Variants in S100A7A observed in about 807,000 individuals in gnomAD.
S100A7A encodes the protein S100 calcium binding protein A7A, also known as protein S100-A7A.
Under a neutral mutation model 4.0 loss-of-function variants are expected in S100A7A, and 5 were observed. The ratio of observed to expected loss-of-function variants is 1.26; its 90% CI spans 0.66 to 2.66. S100A7A has a LOEUF of 2.66. Among genes scored for constraint, S100A7A ranks in the 30% most tolerant of loss-of-function variants. The pLI is 0.01. For synonymous variants in S100A7A, 52 were observed against 46.4 expected, an observed-to-expected ratio of 1.12 and a Z score of -0.49; for missense variants, 159 against 125.1, an observed-to-expected ratio of 1.27 and a Z score of -1.29.
rs1235509446 is a variant in S100A7A, at chr1:153,419,235, T to C, written c.232T>C (p.Leu78=). ...KKIDFSEFLS[L]LGDIAADYHK... ...GATTGATTTTTCTGAGTTTCTGTCC[T>C]TGCTGGGAGACATAGCCGCAGACTA... The change falls in exon 3 of 3, where the codon TTG becomes CTG. Residue 78 remains leucine (L), a synonymous_variant. Coordinates refer to ENST00000368729, the MANE Select transcript of S100A7A (RefSeq NM_176823.4). 1.2e-6 allele frequency: 2 copies of C among 1,614,234 alleles called. No homozygotes were observed. Among genetic ancestry groups the C allele is most frequent in the Non-Finnish European group, 1.7e-6 (2 of 1,180,042 alleles).
chr1:153,421,326 C>A lies in S100A7A; in HGVS notation c.*2017C>A, dbSNP rs1382082368. 1 of 152,156 alleles carries A rather than the reference C, an allele frequency of 6.6e-6. No homozygotes were observed. Among genetic ancestry groups the A allele is most frequent in the African/African-American group, 2.4e-5 (1 of 41,422 alleles). 9.4% of individuals were successfully genotyped at this position (152,156 alleles called of 1,614,324 possible). A position where few individuals can be genotyped will look rare whatever the true frequency, so the allele number is the denominator to read the frequency against. On this transcript the variant is annotated 3_prime_UTR_variant, in exon 3 of 3. Transcript: ENST00000368729. Reference sequence around the variant, plus strand: ...CATTTGTGCCTCCCTCACCATGACCCCACTCTTACCATAGTGGCTACATTA... The same window carrying A: ...CATTTGTGCCTCCCTCACCATGACCACACTCTTACCATAGTGGCTACATTA...
At chr1:153,417,987 T>C in intron 1 of S100A7A, 79 bp from the exon 2 acceptor site, 2 of 1,554,548 alleles carry the variant, frequency 1.3e-6, no homozygotes, top group Non-Finnish European at 1.8e-6. Flanking sequence ...TACTCTGTCC[T>C]CAGCCCTCCT....
In S100A7A at chr1:153,419,158, T is replaced by C. The variant is rs775484804; in HGVS notation, c.155T>C (p.Ile52Thr). ...NFLSACDKKG[I>T]HYLATVFEKK... ...TTCTCTTCACAGGACAAAAAGGGCA[T>C]ACATTACCTCGCCACTGTCTTTGAG... The change falls in exon 3 of 3, where the codon ATA (isoleucine) becomes ACA (threonine). Residue 52 changes from isoleucine (I) to threonine (T), a missense_variant. By Grantham distance (89) the Ile-to-Thr change is moderately conservative (BLOSUM62 -1). Transcript: ENST00000368729. 1.4e-4 allele frequency: 226 copies of C among 1,613,992 alleles called. No individual in the cohort carries two copies. Among genetic ancestry groups the C allele is most frequent in the Non-Finnish European group, 1.7e-4 (195 of 1,179,950 alleles).
chr1:153,417,712 C>T (rs763876803), intron 1 of S100A7A, among the ~76,000 whole-genome samples: 4 of 152,190 alleles, frequency 2.6e-5, no homozygotes, highest in Admixed American at 6.5e-5. Flanking sequence ...GGTGCTGTTT[C>T]AAGAGTGGGG....
rs891081896 is a variant in S100A7A, at chr1:153,422,905, T to C, written c.*3596T>C. On this transcript the variant is annotated 3_prime_UTR_variant, in exon 3 of 3. Transcript: ENST00000368729. ...GATTGTTTCTGGTTCCCTGCCACTA[T>C]AAAAACACCATGAGAGCATACTCAT... is the stretch of plus-strand genomic sequence containing the variant. 6.6e-6 allele frequency: 1 copy of C among 152,224 alleles called. No homozygotes were observed. The highest frequency in any genetic ancestry group is 1.5e-5 in the Non-Finnish European group (1 of 68,034). 9.4% of individuals were successfully genotyped at this position (152,224 alleles called of 1,614,324 possible).
chr1:153,419,144 G>A lies in S100A7A; in HGVS notation c.142-1G>A, dbSNP rs1353443964. ...TATTTTGTATGTTTTTCTCTTCACA[G>A]GACAAAAAGGGCATACATTACCTCG... On this transcript the variant is annotated splice_acceptor_variant, in intron 2 of 2. Coordinates refer to ENST00000368729, the MANE Select transcript of S100A7A (RefSeq NM_176823.4). LOFTEE classifies it high-confidence loss of function. The A allele has an allele frequency of 1.9e-6, 3 of 1,613,202 alleles. No individual in the cohort carries two copies. The highest frequency in any genetic ancestry group is 2.5e-6 in the Non-Finnish European group (3 of 1,179,726).
At chr1:153,419,067 T>A in intron 2 of S100A7A, 78 bp from the exon 3 acceptor site, 1 of 1,483,472 alleles carries the variant, frequency 6.7e-7, no homozygotes, top group Admixed American at 1.7e-5. Context: ...TCTGTATCTC[T>A]GCCTCCTCCT....
rs779132031 is a variant in S100A7A at position 153,419,154 on chromosome 1, G to T, written c.151G>T (p.Gly51Cys). 1.2e-6 allele frequency: 2 copies of T among 1,613,746 alleles called. No homozygotes were observed. Among genetic ancestry groups the T allele is most frequent in the Non-Finnish European group, 8.5e-7 (1 of 1,179,940 alleles). Residue 51 changes from glycine to cysteine, a missense_variant, in exon 3 of 3, where the codon GGC becomes TGC. Physicochemically the swap from Gly to Cys is radical, Grantham distance 159 (BLOSUM62 -3). Coordinates refer to ENST00000368729, the MANE Select transcript of S100A7A (RefSeq NM_176823.4). ...GTTTTTCTCTTCACAGGACAAAAAG[G>T]GCATACATTACCTCGCCACTGTCTT... ...PNFLSACDKK[G>C]IHYLATVFEK...
intron 1 of S100A7A, among the ~76,000 whole-genome samples, chr1:153,417,667 C>G (rs951188491): frequency 1.2e-4 from 18 of 152,220 alleles, no homozygotes; most frequent in South Asian, 2.1e-4. Flanking sequence ...CCCCGTGACT[C>G]TCACCCCGAC....
chr1:153,422,223 A>G lies in S100A7A; in HGVS notation c.*2914A>G, dbSNP rs1326063352. The G allele has an allele frequency of 6.6e-6, 1 of 152,336 alleles. No individual in the cohort carries two copies. The highest frequency in any genetic ancestry group is 1.5e-5 in the Non-Finnish European group (1 of 68,124). 9.4% of individuals were successfully genotyped at this position (152,336 alleles called of 1,614,324 possible). ...GAGAGGGGACCAGACCATCTCCGCA[A>G]CCACAGCCCAGAGCTCCAGTCACCA... On this transcript the variant is annotated 3_prime_UTR_variant, in exon 3 of 3. Transcript: ENST00000368729.
rs1240870549 is a variant in S100A7A, at chr1:153,421,044, G to A, written c.*1735G>A. On this transcript the variant is annotated 3_prime_UTR_variant, in exon 3 of 3. Coordinates refer to ENST00000368729, the MANE Select transcript of S100A7A (RefSeq NM_176823.4). Reference sequence around the variant, plus strand: ...TGTGGGTGCCTGACTTCCTCTCTGTGCAGCACTCTCTGAATCCCTCCTATT... The same window carrying A: ...TGTGGGTGCCTGACTTCCTCTCTGTACAGCACTCTCTGAATCCCTCCTATT... 1.3e-5 allele frequency: 2 copies of A among 152,140 alleles called. No homozygotes were observed. The highest frequency in any genetic ancestry group is 4.8e-5 in the African/African-American group (2 of 41,378). 9.4% of individuals were successfully genotyped at this position (152,140 alleles called of 1,614,324 possible).
rs1161261166 is a variant in S100A7A, at chr1:153,423,137, G to C, written c.*3828G>C. 6.6e-6 allele frequency: 1 copy of C among 151,806 alleles called. No homozygotes were observed. The highest frequency in any genetic ancestry group is 1.9e-4 in the East Asian group (1 of 5,190). The allele number at this position is 151,806 out of a possible 1,614,324, so 9.4% of individuals were successfully genotyped here. ...TCCTTTCTTTGGCCTTAATATTATTGGATTAAAGAATTACTGCCTCTCACT... is the reference window on the plus strand; with the variant it reads ...TCCTTTCTTTGGCCTTAATATTATTCGATTAAAGAATTACTGCCTCTCACT... On this transcript the variant is annotated 3_prime_UTR_variant, in exon 3 of 3. Transcript: ENST00000368729.
In S100A7A at chr1:153,423,196, T is replaced by C. The variant is rs1557859696; in HGVS notation, c.*3887T>C. On this transcript the variant is annotated 3_prime_UTR_variant, in exon 3 of 3. Transcript: ENST00000368729. ...CATTTATTTACCATTATTTTCAATTTCATATTAAAACTCAATTTCTAGTAG... is the reference window on the plus strand; with the variant it reads ...CATTTATTTACCATTATTTTCAATTCCATATTAAAACTCAATTTCTAGTAG... 2 of 152,206 alleles carry C rather than the reference T, an allele frequency of 1.3e-5. No homozygotes were observed. The highest frequency in any genetic ancestry group is 2.9e-5 in the Non-Finnish European group (2 of 68,038). 9.4% of individuals were successfully genotyped at this position (152,206 alleles called of 1,614,324 possible). A position where few individuals can be genotyped will look rare whatever the true frequency, so the allele number is the denominator to read the frequency against.
At chr1:153,418,810 A>G (rs1266129498) in intron 2 of S100A7A, among the ~76,000 whole-genome samples, 1 of 152,200 alleles carries the variant, frequency 6.6e-6, no homozygotes, top group Non-Finnish European at 1.5e-5. Context: ...GCCCTGGGGT[A>G]GAACTAAGGT....
chr1:153,421,836 T>C lies in S100A7A; in HGVS notation c.*2527T>C, dbSNP rs892725594. On this transcript the variant is annotated 3_prime_UTR_variant, in exon 3 of 3. Coordinates refer to ENST00000368729, the MANE Select transcript of S100A7A (RefSeq NM_176823.4). ...TTTCACCTGATAATATTCCGTCCAATTGGCAATGGCACATAAAAATTAGGA... is the reference window on the plus strand; with the variant it reads ...TTTCACCTGATAATATTCCGTCCAACTGGCAATGGCACATAAAAATTAGGA... 2 of 152,202 alleles carry C rather than the reference T, an allele frequency of 1.3e-5. No homozygotes were observed. Among genetic ancestry groups the C allele is most frequent in the African/African-American group, 2.4e-5 (1 of 41,438 alleles). The allele number at this position is 152,202 out of a possible 1,614,324, so 9.4% of individuals were successfully genotyped here.
rs1662893537 is a variant in S100A7A, at chr1:153,421,338, T to C, written c.*2029T>C. ...CCTCACCATGACCCCACTCTTACCA[T>C]AGTGGCTACATTACTTCAGATTCCC... is the stretch of plus-strand genomic sequence containing the variant. On this transcript the variant is annotated 3_prime_UTR_variant, in exon 3 of 3. Coordinates refer to ENST00000368729, the MANE Select transcript of S100A7A (RefSeq NM_176823.4). 6.6e-6 allele frequency: 1 copy of C among 152,144 alleles called. No homozygotes were observed. The highest frequency in any genetic ancestry group is 2.4e-5 in the African/African-American group (1 of 41,432). 9.4% of individuals were successfully genotyped at this position (152,144 alleles called of 1,614,324 possible).
In S100A7A at chr1:153,419,982, T is replaced by C. The variant is rs1662854366; in HGVS notation, c.*673T>C. The C allele has an allele frequency of 6.6e-6, 1 of 152,628 alleles. No homozygotes were observed. The highest frequency in any genetic ancestry group is 1.5e-5 in the Non-Finnish European group (1 of 68,248). 9.5% of individuals were successfully genotyped at this position (152,628 alleles called of 1,614,324 possible). A position where few individuals can be genotyped will look rare whatever the true frequency, so the allele number is the denominator to read the frequency against. On this transcript the variant is annotated 3_prime_UTR_variant, in exon 3 of 3. Transcript: ENST00000368729. The stretch of plus-strand genomic sequence containing the variant: ...AAGTGAGAAGGAGTCACTGTGATGC[T>C]TAGCTGTCCTAAATGATGGTTTGCT...
chr1:153,418,593 G>C (rs1488812697), intron 2 of S100A7A, among the ~76,000 whole-genome samples: 2 of 152,144 alleles, frequency 1.3e-5, no homozygotes, highest in Non-Finnish European at 2.9e-5. Flanking sequence ...GAAAGCACTA[G>C]AAGTTCCATT....
chr1:153,419,107 A>G, intron 2 of S100A7A, 38 bp from the exon 3 acceptor site: 6 of 1,605,676 alleles, frequency 3.7e-6, no homozygotes, highest in Non-Finnish European at 5.1e-6. Flanking sequence ...CTTGTTTGTG[A>G]TTGAATTTTT....
Sources: allele counts gnomAD v4.1 joint callset (sites outside exome capture counted in the v4.1 genomes callset), GRCh38; gene constraint gnomAD v4.1.1; transcripts MANE v1.5; gene names NCBI Gene and HGNC (gene_info 2026-07-23, HGNC 2026-07-21).